The following ATXN1 variants were observed in gnomAD, a reference collection of about 807,000 sequenced individuals.
The protein encoded by ATXN1 is ataxin-1.
Under a neutral mutation model 56.4 loss-of-function variants are expected in ATXN1, and 8 were observed. The ratio of observed to expected loss-of-function variants is 0.14; its 90% CI spans 0.08 to 0.26. The LOEUF (loss-of-function observed/expected upper bound fraction) is 0.26, where lower values mean the gene tolerates loss of function less well. ATXN1 is among the 10% of genes least tolerant of loss of function. ATXN1 has a pLI of 1.00. For synonymous variants in ATXN1, 514 were observed against 494.6 expected (o/e 1.04, Z -0.52); for missense variants, 987 against 1,106.5 (o/e 0.89, Z 1.53).
intron 7 of ATXN1, among the ~76,000 whole-genome samples, chr6:16,324,635 A>G (rs1760759234): frequency 6.6e-6 from 1 of 152,236 alleles, no homozygotes; most frequent in South Asian, 2.1e-4. Context: ...TGTAGAAAGT[A>G]CGCTCGATAG....
chr6:16,598,018 TG>T (rs1360198798), intron 3 of ATXN1, among the ~76,000 whole-genome samples: 1 of 152,108 alleles, frequency 6.6e-6, no homozygotes, highest in African/African-American at 2.4e-5. Context: ...ACACACAAAA[TG>T]ATAAACTGGT....
At chr6:16,463,173 T>C (rs953993118) in intron 6 of ATXN1, among the ~76,000 whole-genome samples, 11 of 152,094 alleles carry the variant, frequency 7.2e-5, no homozygotes, top group Non-Finnish European at 1.3e-4. Context: ...TATGGGAAAA[T>C]GAAAACAACA....
chr6:16,705,562 C>A (rs1049050105), intron 2 of ATXN1, among the ~76,000 whole-genome samples: 1 of 152,178 alleles, frequency 6.6e-6, no homozygotes, highest in Non-Finnish European at 1.5e-5. Flanking sequence ...CACTACCCCC[C>A]TCTCATTCAC....
At chr6:16,638,379 G>A (rs1763637566) in intron 3 of ATXN1, among the ~76,000 whole-genome samples, 1 of 149,276 alleles carries the variant, frequency 6.7e-6, no homozygotes, top group African/African-American at 2.5e-5. Flanking sequence ...CTGGGAGGTT[G>A]AGGCTGCAGT....
chr6:16,384,713 CTT>C (rs1418646637), intron 6 of ATXN1, among the ~76,000 whole-genome samples: 1 of 152,208 alleles, frequency 6.6e-6, no homozygotes, highest in African/African-American at 2.4e-5. Context: ...AGCACCTCCC[CTT>C]TCCCTTCCTC....
intron 6 of ATXN1, among the ~76,000 whole-genome samples, chr6:16,331,478 A>C (rs1760991727): frequency 1.3e-5 from 2 of 152,198 alleles, no homozygotes; most frequent in African/African-American, 4.8e-5. Context: ...CGTGAGACCT[A>C]CTCAGAGAGA....
chr6:16,385,296 G>C (rs1758214720), intron 6 of ATXN1, among the ~76,000 whole-genome samples: 1 of 152,220 alleles, frequency 6.6e-6, no homozygotes, highest in Admixed American at 6.5e-5. Flanking sequence ...GATTAAAAAT[G>C]TCACTCTGGT....
chr6:16,595,339 GC>G (rs377140263), intron 3 of ATXN1, among the ~76,000 whole-genome samples: 20 of 152,300 alleles, frequency 1.3e-4, no homozygotes, highest in African/African-American at 4.8e-4. Context: ...TTTGGTCCTG[GC>G]TCAAAGGGTG....
At chr6:16,349,373 C>T (rs1465676053) in intron 6 of ATXN1, among the ~76,000 whole-genome samples, 2 of 152,048 alleles carry the variant, frequency 1.3e-5, no homozygotes, top group Non-Finnish European at 2.9e-5. Flanking sequence ...CATGGTGGCA[C>T]GTGCCTGTAG....
intron 6 of ATXN1, among the ~76,000 whole-genome samples, chr6:16,405,811 C>G (rs1758674173): frequency 6.6e-6 from 1 of 152,110 alleles, no homozygotes; most frequent in African/African-American, 2.4e-5. Context: ...CCTTTACGCT[C>G]ATGAAATCAG....
intron 6 of ATXN1, among the ~76,000 whole-genome samples, chr6:16,350,881 G>A (rs1230742152): frequency 6.6e-6 from 1 of 152,114 alleles, no homozygotes; most frequent in African/African-American, 2.4e-5. Context: ...CCAGGAATTC[G>A]AGACCAGCCT....
intron 4 of ATXN1, among the ~76,000 whole-genome samples, chr6:16,544,509 T>G (rs1371626150): frequency 6.6e-6 from 1 of 152,190 alleles, no homozygotes; most frequent in Non-Finnish European, 1.5e-5. Flanking sequence ...TAATGACAGC[T>G]AGAGGATTTG....
At chr6:16,463,061 T>C (rs927553540) in intron 6 of ATXN1, among the ~76,000 whole-genome samples, 24 of 152,176 alleles carry the variant, frequency 1.6e-4, no homozygotes, top group African/African-American at 2.4e-4. Flanking sequence ...TACAAAACAG[T>C]TTTTTCTCCA....
At chr6:16,433,531 C>G (rs1254754950) in intron 6 of ATXN1, among the ~76,000 whole-genome samples, 1 of 152,156 alleles carries the variant, frequency 6.6e-6, no homozygotes, top group Non-Finnish European at 1.5e-5. Flanking sequence ...GTTAAGCACC[C>G]CTTTGTCACG....
At chr6:16,503,505 C>A (rs1477803995) in intron 5 of ATXN1, among the ~76,000 whole-genome samples, 1 of 152,176 alleles carries the variant, frequency 6.6e-6, no homozygotes, top group East Asian at 1.9e-4. Context: ...TGCCAAGACA[C>A]CCCACAACTC....
chr6:16,378,004 C>A (rs1046809656), intron 6 of ATXN1, among the ~76,000 whole-genome samples: 7 of 152,248 alleles, frequency 4.6e-5, no homozygotes, highest in African/African-American at 1.7e-4. Flanking sequence ...CTGCCTACTT[C>A]ATGGCAAGGA....
At chr6:16,307,216 C>G (rs2113374315) in intron 7 of ATXN1, among the ~76,000 whole-genome samples, 1 of 152,360 alleles carries the variant, frequency 6.6e-6, no homozygotes, top group East Asian at 1.9e-4. Flanking sequence ...AAGCTAGGCT[C>G]TGCAGGTGGC....
chr6:16,459,681 G>C (rs1399698064), intron 6 of ATXN1, among the ~76,000 whole-genome samples: 1 of 152,170 alleles, frequency 6.6e-6, no homozygotes, highest in African/African-American at 2.4e-5. Flanking sequence ...GGATCCCACA[G>C]ACCACAAAAC....
At chr6:16,334,677 A>G (rs574163911) in intron 6 of ATXN1, among the ~76,000 whole-genome samples, 5 of 152,344 alleles carry the variant, frequency 3.3e-5, no homozygotes, top group Middle Eastern at 3.4e-3. Flanking sequence ...TGATTGCTCC[A>G]CTGCACTCCA....
Sources: allele counts gnomAD v4.1 joint callset (sites outside exome capture counted in the v4.1 genomes callset), GRCh38; gene constraint gnomAD v4.1.1; transcripts MANE v1.5; gene names NCBI Gene and HGNC (gene_info 2026-07-23, HGNC 2026-07-21).